DCC: variants seen among roughly 807,000 people sequenced by gnomAD.
DCC encodes DCC netrin 1 receptor, also known as netrin receptor DCC.
DCC carries 58 observed loss-of-function variants against 172.5 expected under a neutral mutation model. The ratio of observed to expected loss-of-function variants is 0.34; its 90% CI spans 0.27 to 0.42. The LOEUF is 0.42. DCC is among the 10% of genes least tolerant of loss of function. The probability of loss-of-function intolerance (pLI) is 1.00; values close to 1 mark genes in which losing one functional copy is unlikely to be tolerated. For missense variants in DCC, 1,740 were observed against 1,791.0 expected, an observed-to-expected ratio of 0.97 and a Z score of 0.51; for synonymous variants, 709 against 644.5, an observed-to-expected ratio of 1.10 and a Z score of -1.52.
Position 52,901,136 on chromosome 18 carries a change from AAAAT to A in DCC, c.413-4905_413-4902del, listed in dbSNP as rs2039803131. 2.0e-5 allele frequency among the ~76,000 whole-genome samples: 3 copies of A among 152,306 alleles called. No individual in the cohort carries two copies. In the South Asian group the frequency reaches 6.2e-4, roughly 32 times the overall value. On this transcript the variant is annotated intron_variant, in intron 2 of 28. Transcript: ENST00000442544. ...ATAATAATTCAGTACTAAACCTTTA[AAAAT>A]AACCATCATGGGCTGTGTACAGTGA...
rs542460327 is a variant in DCC at position 53,533,142 on chromosome 18, C to T, written c.*2489C>T. On this transcript the variant is annotated 3_prime_UTR_variant, in exon 29 of 29. Coordinates refer to ENST00000442544, the MANE Select transcript of DCC (RefSeq NM_005215.4). ...ACCACAACTTTTGTATAACTCTGTT[C>T]CCTTTACCCTCAAATGATTCATATA... The T allele has an allele frequency of 6.6e-6, 1 of 152,250 alleles. No individual in the cohort carries two copies. The highest frequency in any genetic ancestry group is 1.9e-4 in the East Asian group (1 of 5,170). 9.4% of individuals were successfully genotyped at this position (152,250 alleles called of 1,614,324 possible).
At chr18:53,514,397 A>G (rs969972081) in intron 27 of DCC, among the ~76,000 whole-genome samples, 3 of 152,138 alleles carry the variant, frequency 2.0e-5, no homozygotes, top group Non-Finnish European at 2.9e-5. Flanking sequence ...AAGAACTAGA[A>G]AAGCAAGAGC....
chr18:52,565,977 T>C (rs755878263), intron 1 of DCC, among the ~76,000 whole-genome samples: 8 of 152,128 alleles, frequency 5.3e-5, no homozygotes, highest in Admixed American at 4.6e-4. Context: ...TTAGGTCTTA[T>C]GTTTAAGTCT....
At chr18:53,268,233 T>A (rs2056704902) in intron 12 of DCC, among the ~76,000 whole-genome samples, 1 of 152,152 alleles carries the variant, frequency 6.6e-6, no homozygotes, top group South Asian at 2.1e-4. Context: ...ACCTAAAGCA[T>A]CATGATTTTT....
At chr18:53,208,959 G>A (rs2055703114) in intron 11 of DCC, among the ~76,000 whole-genome samples, 1 of 152,130 alleles carries the variant, frequency 6.6e-6, no homozygotes, top group African/African-American at 2.4e-5. Flanking sequence ...TGGAACTCCT[G>A]ACCTCAAGTG....
At position 53,397,363 on chromosome 18, in the gene DCC, T is replaced by A; in HGVS notation, c.2744T>A (p.Met915Lys). Residue 915 changes from methionine (M) to lysine (K), a missense_variant, in exon 18 of 29, where the codon ATG becomes AAG. Around this residue, in one of 2 missense-constraint regions of DCC, gnomAD observed 1,732 missense variants for 1,767.4 expected, o/e 0.98. Transcript: ENST00000442544. Reference sequence around the variant, plus strand: ...GCAACAGGCCTCAAACCAAACACAATGTATGAATTCTCGGTCATGGTAACA... The same window carrying A: ...GCAACAGGCCTCAAACCAAACACAAAGTATGAATTCTCGGTCATGGTAACA... ...YTATGLKPNT[M>K]YEFSVMVTKN... 6.2e-7 allele frequency: 1 copy of A among 1,613,898 alleles called. No homozygotes were observed. The highest frequency in any genetic ancestry group is 8.5e-7 in the Non-Finnish European group (1 of 1,179,860).
intron 1 of DCC, among the ~76,000 whole-genome samples, chr18:52,745,179 C>G (rs539465988): frequency 6.6e-6 from 1 of 152,122 alleles, no homozygotes; most frequent in African/African-American, 2.4e-5. Context: ...ATTAATAAAA[C>G]GTGTTGAAAT....
intron 5 of DCC, among the ~76,000 whole-genome samples, chr18:52,981,055 A>G (rs923682183): frequency 6.6e-6 from 1 of 151,958 alleles, no homozygotes; most frequent in African/African-American, 2.4e-5. Context: ...AAATTCCCAG[A>G]CCCAGTAATA....
At chr18:52,519,785 T>G (rs1202662298) in intron 1 of DCC, among the ~76,000 whole-genome samples, 1 of 152,194 alleles carries the variant, frequency 6.6e-6, no homozygotes, top group Non-Finnish European at 1.5e-5. Context: ...TAATTGCCAT[T>G]GCAATTGAAA....
intron 2 of DCC, among the ~76,000 whole-genome samples, chr18:52,814,425 A>G (rs1004825166): frequency 6.6e-6 from 1 of 152,200 alleles, no homozygotes; most frequent in African/African-American, 2.4e-5. Context: ...TCTGGGAGAA[A>G]GAGAACTCTG....
intron 27 of DCC, among the ~76,000 whole-genome samples, chr18:53,512,961 T>C (rs1051688378): frequency 3.9e-5 from 6 of 151,956 alleles, no homozygotes; most frequent in Admixed American, 1.3e-4. Flanking sequence ...ATACAGAGAA[T>C]GCCACAAAGA....
chr18:52,886,197 T>G (rs983911204), intron 2 of DCC, among the ~76,000 whole-genome samples: 10 of 152,098 alleles, frequency 6.6e-5, no homozygotes, highest in African/African-American at 2.4e-4. Context: ...CCGAATCTAC[T>G]GGCTCTAAGC....
intron 1 of DCC, among the ~76,000 whole-genome samples, chr18:52,709,682 A>G (rs1051236863): frequency 2.0e-5 from 3 of 152,234 alleles, no homozygotes; most frequent in Non-Finnish European, 4.4e-5. Context: ...TATATGTTAA[A>G]GATTAATACA....
At chr18:52,381,452 A>G (rs2144324897) in intron 1 of DCC, among the ~76,000 whole-genome samples, 1 of 152,286 alleles carries the variant, frequency 6.6e-6, no homozygotes, top group Admixed American at 6.5e-5. Flanking sequence ...GGCACAAGGT[A>G]TGAATTCAAC....
chr18:53,164,308 G>A (rs1260992929), intron 8 of DCC, among the ~76,000 whole-genome samples: 1 of 152,112 alleles, frequency 6.6e-6, no homozygotes, highest in Non-Finnish European at 1.5e-5. Flanking sequence ...GCAGTGGTGT[G>A]ATCATAGTTG....
chr18:53,339,684 T>C, intron 14 of DCC, 29 bp from the exon 15 acceptor site: 1 of 1,581,310 alleles, frequency 6.3e-7, no homozygotes, highest in Non-Finnish European at 8.7e-7. Context: ...TTATGAGACA[T>C]GCTGATGATG....
intron 1 of DCC, among the ~76,000 whole-genome samples, chr18:52,419,927 G>A (rs143806067): frequency 3.3e-5 from 5 of 152,060 alleles, no homozygotes; most frequent in African/African-American, 1.2e-4. Context: ...CATAAAGTAA[G>A]CACTTTGTTA....
At chr18:53,317,515 C>T (rs62097997) in intron 13 of DCC, among the ~76,000 whole-genome samples, 2,147 of 152,174 alleles carry the variant, frequency 0.014, 18 homozygotes, top group Non-Finnish European at 0.023. Flanking sequence ...AGAGAGGAGT[C>T]CCTCTTTTTC....
Position 52,401,022 on chromosome 18 carries a change from C to T in DCC, c.91+60144C>T, listed in dbSNP as rs183226153. Among the ~76,000 whole-genome samples the T allele has an allele frequency of 1.1e-3, 167 of 151,416 alleles. 1 individual carries two copies. The South Asian group carries it at 0.018, about 16-fold the overall frequency. On this transcript the variant is annotated intron_variant, in intron 1 of 28. Coordinates refer to ENST00000442544, the MANE Select transcript of DCC (RefSeq NM_005215.4). ...ATGAGTTGATGGGTGCAACAAACCACCATAGCATACTGTGTAACTGTGTAT... is the reference window on the plus strand; with the variant it reads ...ATGAGTTGATGGGTGCAACAAACCATCATAGCATACTGTGTAACTGTGTAT...
Sources: allele counts gnomAD v4.1 joint callset (sites outside exome capture counted in the v4.1 genomes callset), GRCh38; gene constraint gnomAD v4.1.1; regional missense constraint gnomAD v4.1.1; transcripts MANE v1.5; gene names NCBI Gene and HGNC (gene_info 2026-07-23, HGNC 2026-07-21).